Variants in EPN2 observed in about 807,000 individuals in gnomAD.
EPN2 encodes the protein epsin-2.
In EPN2, 34 loss-of-function variants were observed where a neutral mutation model predicts 61.7. That is an observed-to-expected ratio of 0.55 (90% CI 0.42 to 0.73). The LOEUF (loss-of-function observed/expected upper bound fraction) is 0.73. Among genes scored for constraint, EPN2 ranks in the 30% least tolerant of loss-of-function variants. EPN2 has a pLI of 0.00. For missense variants in EPN2, 714 were observed against 839.2 expected (o/e 0.85, Z 1.84); for synonymous variants, 349 against 353.6 (o/e 0.99, Z 0.15).
At chr17:19,275,869 C>T (rs535437020) in intron 1 of EPN2, among the ~76,000 whole-genome samples, 21 of 152,254 alleles carry the variant, frequency 1.4e-4, no homozygotes, top group Admixed American at 8.5e-4. Flanking sequence ...TGGCTTTTTA[C>T]GTGGAGGCTC....
intron 4 of EPN2, 108 bp from the exon 5 acceptor site, chr17:19,309,777 C>A: frequency 1.3e-6 from 1 of 790,118 alleles, no homozygotes. Context: ...TACTGCTGGA[C>A]CTTGCGGGTT....
intron 9 of EPN2, 32 bp from the exon 10 acceptor site, chr17:19,331,821 C>T: frequency 1.3e-6 from 2 of 1,586,528 alleles, no homozygotes; most frequent in Non-Finnish European, 8.7e-7. Flanking sequence ...CCCTGCCACA[C>T]TCACCCTGCC....
intron 4 of EPN2, among the ~76,000 whole-genome samples, chr17:19,291,642 G>T (rs543007777): frequency 6.6e-6 from 1 of 151,920 alleles, no homozygotes; most frequent in Non-Finnish European, 1.5e-5. Context: ...GGGTTTCACC[G>T]TGTTAGCCAT....
intron 4 of EPN2, among the ~76,000 whole-genome samples, chr17:19,304,387 C>T (rs1905717194): frequency 6.6e-6 from 1 of 152,214 alleles, no homozygotes. Context: ...AGAGAACTGG[C>T]CACTGGACAG....
At chr17:19,289,757 C>T (rs1466763761) in intron 4 of EPN2, among the ~76,000 whole-genome samples, 4 of 66,400 alleles carry the variant, frequency 6.0e-5, no homozygotes, top group Non-Finnish European at 5.2e-5. Context: ...GATGGAGTCT[C>T]ACTCTGTTGG....
Position 19,335,479 on chromosome 17 carries a change from C to T in EPN2, c.*1225C>T. The T allele has an allele frequency of 6.5e-7, 1 of 1,548,930 alleles. No individual in the cohort carries two copies. The highest frequency in any genetic ancestry group is 8.7e-7 in the Non-Finnish European group (1 of 1,146,030). On this transcript the variant is annotated 3_prime_UTR_variant, in exon 11 of 11. Transcript: ENST00000314728. ...AAGAAACATCTTTAACCTTGTGTGT[C>T]TGTGATCTCCTCTGTCTTAATCCAC...
At chr17:19,316,266 T>G (rs1175701453) in intron 7 of EPN2, among the ~76,000 whole-genome samples, 1 of 152,246 alleles carries the variant, frequency 6.6e-6, no homozygotes, top group Non-Finnish European at 1.5e-5. Flanking sequence ...ATTAAGAATA[T>G]GGTTTGAGCT....
At chr17:19,287,169 T>A (rs1225243674) in intron 4 of EPN2, among the ~76,000 whole-genome samples, 1 of 152,014 alleles carries the variant, frequency 6.6e-6, no homozygotes, top group East Asian at 1.9e-4. Context: ...ACTGCGGCTG[T>A]CTTTGGCCCT....
At chr17:19,322,369 G>A (rs927812871) in intron 7 of EPN2, among the ~76,000 whole-genome samples, 1 of 152,140 alleles carries the variant, frequency 6.6e-6, no homozygotes, top group Non-Finnish European at 1.5e-5. Context: ...AGTGAAGGCA[G>A]CACTCTCCTC....
intron 5 of EPN2, among the ~76,000 whole-genome samples, chr17:19,310,542 T>C (rs955111286): frequency 5.3e-5 from 8 of 151,560 alleles, no homozygotes; most frequent in African/African-American, 1.7e-4. Context: ...CTTTTCTCTT[T>C]TCTTTTCTTT....
At chr17:19,299,626 C>T (rs1905372169) in intron 4 of EPN2, among the ~76,000 whole-genome samples, 1 of 152,252 alleles carries the variant, frequency 6.6e-6, no homozygotes, top group Non-Finnish European at 1.5e-5. Flanking sequence ...CAAGCTGGTG[C>T]TCTTACTGTA....
intron 1 of EPN2, among the ~76,000 whole-genome samples, chr17:19,261,991 C>T (rs2045146138): frequency 6.6e-6 from 1 of 152,158 alleles, no homozygotes; most frequent in Admixed American, 6.5e-5. Context: ...AGTTCGAGAC[C>T]AGCCTGGCCA....
At chr17:19,327,677 T>A (rs1336867309) in intron 7 of EPN2, among the ~76,000 whole-genome samples, 1 of 151,952 alleles carries the variant, frequency 6.6e-6, no homozygotes, top group Non-Finnish European at 1.5e-5. Flanking sequence ...ATCTGATAAA[T>A]AAATGAATAC....
At chr17:19,271,039 G>A (rs2045247661) in intron 1 of EPN2, among the ~76,000 whole-genome samples, 1 of 152,156 alleles carries the variant, frequency 6.6e-6, no homozygotes, top group East Asian at 1.9e-4. Context: ...GAGATAATGG[G>A]TATCTTTAAC....
At chr17:19,240,842 G>A (rs933955866) in intron 1 of EPN2, among the ~76,000 whole-genome samples, 1 of 152,098 alleles carries the variant, frequency 6.6e-6, no homozygotes, top group Non-Finnish European at 1.5e-5. Flanking sequence ...TACCAGGCTC[G>A]GTCTCTGATA....
intron 7 of EPN2, among the ~76,000 whole-genome samples, chr17:19,328,193 A>G (rs1161187870): frequency 6.6e-6 from 1 of 152,136 alleles, no homozygotes; most frequent in African/African-American, 2.4e-5. Flanking sequence ...TCCTTTTTAT[A>G]CAGGACTCAT....
chr17:19,284,017 G>T (rs2045382215), intron 3 of EPN2, among the ~76,000 whole-genome samples: 1 of 152,202 alleles, frequency 6.6e-6, no homozygotes, highest in Non-Finnish European at 1.5e-5. Flanking sequence ...TTCCTTGTCA[G>T]AATGGGTCTG....
At chr17:19,291,499 G>A (rs1969161) in intron 4 of EPN2, among the ~76,000 whole-genome samples, 91,470 of 144,406 alleles carry the variant, frequency 0.63, 32,392 homozygotes, top group Non-Finnish European at 0.81. Flanking sequence ...CTGCAGTGGC[G>A]CTATCTTGGC....
intron 1 of EPN2, among the ~76,000 whole-genome samples, chr17:19,240,309 A>G (rs1002855918): frequency 6.6e-6 from 1 of 151,756 alleles, no homozygotes; most frequent in African/African-American, 2.4e-5. Flanking sequence ...GCAGTGGCGC[A>G]ATCTTGGCTC....
Sources: gnomAD v4.1 joint callset for allele counts (sites outside exome capture counted in the v4.1 genomes callset) on GRCh38, gnomAD v4.1.1 for gene constraint, MANE v1.5 for transcripts, NCBI Gene and HGNC (gene_info 2026-07-23, HGNC 2026-07-21) for gene names.